Variants in SRGAP3 observed in about 807,000 individuals in gnomAD.
SRGAP3 encodes the protein SLIT-ROBO Rho GTPase-activating protein 3.
In SRGAP3, 39 loss-of-function variants were observed where a neutral mutation model predicts 121.1. The ratio of observed to expected loss-of-function variants is 0.32; its 90% CI spans 0.25 to 0.42. The LOEUF is 0.42. Ranked by LOEUF, SRGAP3 falls within the 10% of genes least tolerant of loss-of-function variation. The pLI is 1.00. For synonymous variants in SRGAP3, 601 were observed against 570.0 expected (o/e 1.05, Z -0.77); for missense variants, 1,213 against 1,470.6 (o/e 0.82, Z 2.86).
At chr3:9,036,103 A>T (rs1944729872) in intron 11 of SRGAP3, 1 of 152,272 alleles carries the variant, frequency 6.6e-6, no homozygotes, top group Non-Finnish European at 1.5e-5. Context: ...TTACAGGGTT[A>T]TTATGAATTT....
intron 14 of SRGAP3, among the ~76,000 whole-genome samples, chr3:9,016,627 G>C (rs1174834654): frequency 1.3e-5 from 2 of 152,152 alleles, no homozygotes; most frequent in East Asian, 3.8e-4. Context: ...TAATAAGTAT[G>C]ATCTGTGAAA....
intron 3 of SRGAP3, among the ~76,000 whole-genome samples, chr3:9,313,947 C>G (rs1955297679): frequency 6.6e-6 from 1 of 152,040 alleles, no homozygotes; most frequent in Admixed American, 6.5e-5. Context: ...GAGCCGAGAT[C>G]GTGCCACTGC....
chr3:9,076,403 A>G (rs1946976679), intron 4 of SRGAP3, among the ~76,000 whole-genome samples: 1 of 151,878 alleles, frequency 6.6e-6, no homozygotes, highest in African/African-American at 2.4e-5. Context: ...CATCATAAGC[A>G]CTCATGAAGT....
chr3:9,077,639 C>T (rs116839019), intron 4 of SRGAP3, among the ~76,000 whole-genome samples: 199 of 152,342 alleles, frequency 1.3e-3, no homozygotes, highest in Non-Finnish European at 2.0e-3. Flanking sequence ...GCCTCAGCCA[C>T]CCTGCCTGGC....
intron 3 of SRGAP3, among the ~76,000 whole-genome samples, chr3:9,084,422 C>CA (rs1169641222): frequency 1.3e-5 from 2 of 151,356 alleles, no homozygotes; most frequent in East Asian, 3.9e-4. Context: ...TGAGTGCTGG[C>CA]AAAAAAAGAA....
rs1010903992 is a variant in SRGAP3 at position 9,225,184 on chromosome 3, G to A, written c.67+23701C>T. On this transcript the variant is annotated intron_variant, in intron 1 of 21. Transcript: ENST00000383836. Reference sequence around the variant, plus strand: ...GCCTTTGGAGAGAACAGTGCTTCACGTGACACTCAGGGCTTCCAAGCAGAA... The same window carrying A: ...GCCTTTGGAGAGAACAGTGCTTCACATGACACTCAGGGCTTCCAAGCAGAA... 7.9e-5 allele frequency among the ~76,000 whole-genome samples: 12 copies of A among 152,266 alleles called. No individual in the cohort carries two copies. The East Asian group carries it at 1.9e-3, about 25-fold the overall frequency.
Position 8,983,836 on chromosome 3 carries a change from G to A in SRGAP3, c.*1683C>T, listed in dbSNP as rs1941548056. 1 of 229,944 alleles carries A rather than the reference G, an allele frequency of 4.3e-6. No individual in the cohort carries two copies. Among genetic ancestry groups the A allele is most frequent in the African/African-American group, 2.2e-5 (1 of 45,138 alleles). The allele number at this position is 229,944 out of a possible 1,614,324, so 14.2% of individuals were successfully genotyped here. A position where few individuals can be genotyped will look rare whatever the true frequency, so the allele number is the denominator to read the frequency against. On this transcript the variant is annotated 3_prime_UTR_variant, in exon 22 of 22. Transcript: ENST00000383836. The stretch of plus-strand genomic sequence containing the variant: ...GGAGTGACAAACCCTAAGTCAGAAG[G>A]CTCCTAAGTGCTCAGGGCTGGGACT...
chr3:9,141,553 G>GGTGTGTGTGTGTGTGT (rs3067669), intron 1 of SRGAP3, among the ~76,000 whole-genome samples: 4 of 138,394 alleles, frequency 2.9e-5, no homozygotes, highest in African/African-American at 5.5e-5. Context: ...TGACTTCAGG[G>GGTGTGTGTGTGTGTGT]GTGTGTGTGT....
At chr3:9,024,151 G>A (rs1245256783) in intron 14 of SRGAP3, among the ~76,000 whole-genome samples, 1 of 152,124 alleles carries the variant, frequency 6.6e-6, no homozygotes, top group East Asian at 1.9e-4. Context: ...CTTTTGGGAT[G>A]TTATGTACTG....
At position 9,059,990 on chromosome 3, in the gene SRGAP3, C is replaced by G. The variant is rs908429119; in HGVS notation, c.801+241G>C. The G allele has an allele frequency of 1.4e-4, 79 of 554,570 alleles. No individual in the cohort carries two copies. In the East Asian group the frequency reaches 2.9e-3, roughly 20 times the overall value. The allele number at this position is 554,570 out of a possible 1,614,324, so 34.4% of individuals were successfully genotyped here. A position where few individuals can be genotyped will look rare whatever the true frequency, so the allele number is the denominator to read the frequency against. On this transcript the variant is annotated intron_variant, in intron 6 of 21. Transcript: ENST00000383836. ...AAGTTGCCATTGGATATACAACTGC[C>G]CAAGCCAACTGCACTGGGGCCACCA...
At chr3:9,049,392 T>C (rs1215984094) in intron 9 of SRGAP3, 4 of 455,990 alleles carry the variant, frequency 8.8e-6, no homozygotes, top group Middle Eastern at 3.2e-4. Context: ...ACAGAGCACT[T>C]GACAGTTTTC....
intron 2 of SRGAP3, among the ~76,000 whole-genome samples, chr3:9,107,402 T>C (rs1017588418): frequency 6.6e-6 from 1 of 152,202 alleles, no homozygotes; most frequent in Non-Finnish European, 1.5e-5. Flanking sequence ...GAAGGCATCG[T>C]TCTCCTCCAG....
chr3:9,097,530 C>G (rs558888305), intron 3 of SRGAP3, among the ~76,000 whole-genome samples: 48 of 152,310 alleles, frequency 3.2e-4, no homozygotes, highest in East Asian at 1.7e-3. Context: ...CCCACCTCTT[C>G]GTGATCCAGG....
At chr3:9,104,658 G>T (rs778149099) in intron 3 of SRGAP3, 22 bp downstream of exon 3, 1 of 1,613,750 alleles carries the variant, frequency 6.2e-7, no homozygotes, top group Non-Finnish European at 8.5e-7. Flanking sequence ...CCTGGGACAC[G>T]TAGAGCAGCC....
chr3:9,143,828 T>C (rs1949939164), intron 1 of SRGAP3, among the ~76,000 whole-genome samples: 1 of 152,164 alleles, frequency 6.6e-6, no homozygotes, highest in Non-Finnish European at 1.5e-5. Context: ...TTGATTTTCC[T>C]GCTATTCAAG....
chr3:9,284,214 G>A (rs568445672), intron 3 of SRGAP3, among the ~76,000 whole-genome samples: 9 of 151,870 alleles, frequency 5.9e-5, no homozygotes, highest in African/African-American at 1.9e-4. Flanking sequence ...TCCTACTTCG[G>A]TATGCCACAC....
chr3:9,114,082 C>T (rs73017495), intron 2 of SRGAP3, among the ~76,000 whole-genome samples: 10,326 of 152,180 alleles, frequency 0.068, 408 homozygotes, highest in African/African-American at 0.083. Flanking sequence ...AGTCCCCTGG[C>T]CAAAGCAGGC....
chr3:9,118,440 C>A (rs895032753), intron 2 of SRGAP3, among the ~76,000 whole-genome samples: 3 of 152,170 alleles, frequency 2.0e-5, no homozygotes, highest in Non-Finnish European at 4.4e-5. Context: ...ATATGTGCTG[C>A]CTGCTACACC....
intron 1 of SRGAP3, among the ~76,000 whole-genome samples, chr3:9,168,507 T>G (rs1950872442): frequency 6.6e-6 from 1 of 152,242 alleles, no homozygotes; most frequent in Admixed American, 6.5e-5. Context: ...GCAGCTGGTT[T>G]CAGAATGAAT....
Sources: allele counts gnomAD v4.1 joint callset (sites outside exome capture counted in the v4.1 genomes callset), GRCh38; gene constraint gnomAD v4.1.1; transcripts MANE v1.5; gene names NCBI Gene and HGNC (gene_info 2026-07-23, HGNC 2026-07-21).